The following SPATA1 variants were observed in gnomAD, a reference collection of about 807,000 sequenced individuals.
The protein encoded by SPATA1 is spermatogenesis associated 1.
In SPATA1, 57 loss-of-function variants were observed where a neutral mutation model predicts 59.6. The observed-to-expected ratio is 0.96, with a 90% CI of 0.77 to 1.19. The LOEUF is 1.19. Ranked by LOEUF, SPATA1 falls within the 50% of genes most tolerant of loss-of-function variation. The probability of loss-of-function intolerance (pLI) is 0.00; values close to 1 mark genes in which losing one functional copy is unlikely to be tolerated. For synonymous variants in SPATA1, 147 were observed against 163.9 expected (o/e 0.90, Z 0.79); for missense variants, 448 against 480.7 (o/e 0.93, Z 0.64).
In SPATA1 at chr1:84,564,099, A is replaced by G. The variant is rs543409283; in HGVS notation, n.443-1762A>G. ...ATATTCACAAAATCTAATTCTAGGAAGAATGACACATTTCAGGAAAGTATG... is the reference window on the plus strand; with the variant it reads ...ATATTCACAAAATCTAATTCTAGGAGGAATGACACATTTCAGGAAAGTATG... On this transcript the variant is annotated intron_variant and non_coding_transcript_variant, in intron 4 of 4. Transcript: ENST00000460286. Among the ~76,000 whole-genome samples the G allele has an allele frequency of 5.9e-5, 9 of 152,358 alleles. No individual in the cohort carries two copies. In the East Asian group the frequency reaches 1.7e-3, roughly 29 times the overall value.
At chr1:84,538,009 T>G (rs1570436334) in intron 8 of SPATA1, among the ~76,000 whole-genome samples, 1 of 152,340 alleles carries the variant, frequency 6.6e-6, no homozygotes, top group Non-Finnish European at 1.5e-5. Context: ...GAATGGCCTA[T>G]TCATTACCAA....
intron 9 of SPATA1, among the ~76,000 whole-genome samples, chr1:84,545,035 C>T (rs1381741814): frequency 6.7e-6 from 1 of 149,694 alleles, no homozygotes; most frequent in Non-Finnish European, 1.5e-5. Context: ...ATGGTGAAAC[C>T]CCATCTCTAC....
chr1:84,512,648 G>A (rs148209680), intron 1 of SPATA1, among the ~76,000 whole-genome samples: 256 of 152,260 alleles, frequency 1.7e-3, no homozygotes, highest in Middle Eastern at 3.4e-3. Context: ...AAAACATGAT[G>A]GGTAGCTATT....
chr1:84,549,646 C>A (rs533351974), intron 11 of SPATA1: 3 of 151,802 alleles, frequency 2.0e-5, no homozygotes, highest in African/African-American at 7.3e-5. Flanking sequence ...ATTAATTCCA[C>A]CATATAATTA....
At chr1:84,525,359 T>C (rs957953842) in intron 4 of SPATA1, among the ~76,000 whole-genome samples, 41 of 152,364 alleles carry the variant, frequency 2.7e-4, no homozygotes, top group African/African-American at 9.4e-4. Flanking sequence ...AGTTGGACTT[T>C]GGGGTCAGAT....
At chr1:84,542,064 G>C (rs1463349631) in intron 8 of SPATA1, among the ~76,000 whole-genome samples, 1 of 152,056 alleles carries the variant, frequency 6.6e-6, no homozygotes, top group Non-Finnish European at 1.5e-5. Flanking sequence ...CCATCTCCCA[G>C]GTTCAAGCAA....
At chr1:84,533,906 A>C in intron 8 of SPATA1, 140 bp downstream of exon 8, 1 of 540,274 alleles carries the variant, frequency 1.9e-6, no homozygotes, top group East Asian at 3.4e-5. Flanking sequence ...ATAGTAGTCC[A>C]ATTTTTCTGT....
chr1:84,536,857 T>C (rs1683710459), intron 8 of SPATA1, among the ~76,000 whole-genome samples: 1 of 149,600 alleles, frequency 6.7e-6, no homozygotes. Context: ...GATAGGACTA[T>C]ACTTGATTTG....
At chr1:84,537,469 C>T (rs1329339090) in intron 8 of SPATA1, among the ~76,000 whole-genome samples, 1 of 152,174 alleles carries the variant, frequency 6.6e-6, no homozygotes, top group Non-Finnish European at 1.5e-5. Context: ...TGAATAACCA[C>T]ATGAAGATTC....
chr1:84,541,670 G>A (rs1683907828), intron 8 of SPATA1, among the ~76,000 whole-genome samples: 1 of 152,070 alleles, frequency 6.6e-6, no homozygotes, highest in Admixed American at 6.5e-5. Flanking sequence ...TTTAATCTAT[G>A]TTGGGAGCAT....
At chr1:84,527,554 T>C (rs181289287) in intron 6 of SPATA1, 63 of 152,152 alleles carry the variant, frequency 4.1e-4, no homozygotes, top group Admixed American at 1.5e-3. Flanking sequence ...ATATAAAATA[T>C]ATTTTTACTT....
At chr1:84,555,462 A>T (rs1263731978), downstream of SPATA1, among the ~76,000 whole-genome samples, 1 of 152,232 alleles carries the variant, frequency 6.6e-6, no homozygotes, top group Non-Finnish European at 1.5e-5. Flanking sequence ...CGATGGATTT[A>T]TCAGGGTATT....
downstream of SPATA1, among the ~76,000 whole-genome samples, chr1:84,558,604 TAAA>T (rs112293082): frequency 7.1e-6 from 1 of 139,882 alleles, no homozygotes; most frequent in Non-Finnish European, 1.6e-5. Flanking sequence ...TTTTTTTAAT[TAAA>T]AAAAAAAAAG....
intron 1 of SPATA1, among the ~76,000 whole-genome samples, chr1:84,511,480 C>T (rs1682542334): frequency 6.6e-6 from 1 of 152,058 alleles, no homozygotes; most frequent in African/African-American, 2.4e-5. Flanking sequence ...GAAAACAAAC[C>T]TCATTCCTCA....
intron 9 of SPATA1, 74 bp from the exon 10 acceptor site, chr1:84,545,560 A>G: frequency 2.1e-6 from 3 of 1,427,448 alleles, no homozygotes; most frequent in Non-Finnish European, 2.8e-6. Context: ...TTTAAGTTTT[A>G]CACTCCATAT....
chr1:84,560,121 GAAAGAAAGAAAGGAAA>G (rs1684563182), intron 4 of SPATA1, among the ~76,000 whole-genome samples: 1 of 143,650 alleles, frequency 7.0e-6, no homozygotes, highest in South Asian at 2.3e-4. Flanking sequence ...AAGAAAGAAA[GAAAGAAAGAAAGGAAA>G]GAAAGAAAGA....
chr1:84,545,495 A>C, intron 9 of SPATA1, 139 bp from the exon 10 acceptor site: 1 of 911,260 alleles, frequency 1.1e-6, no homozygotes, highest in East Asian at 3.4e-5. Flanking sequence ...TAAATGCTAT[A>C]CTGTAGCAAG....
chr1:84,510,954 A>C (rs1682512279), intron 1 of SPATA1, among the ~76,000 whole-genome samples: 4 of 152,186 alleles, frequency 2.6e-5, no homozygotes, highest in Non-Finnish European at 5.9e-5. Context: ...TGGCAGTAAA[A>C]ATTGAAACAG....
intron 7 of SPATA1, among the ~76,000 whole-genome samples, chr1:84,533,260 A>G (rs1683543637): frequency 6.6e-6 from 1 of 152,106 alleles, no homozygotes; most frequent in Non-Finnish European, 1.5e-5. Context: ...CTTCATTAGA[A>G]CTAATTATCC....
Sources: gnomAD v4.1 joint callset for allele counts (sites outside exome capture counted in the v4.1 genomes callset) on GRCh38, gnomAD v4.1.1 for gene constraint, MANE v1.5 for transcripts, NCBI Gene and HGNC (gene_info 2026-07-23, HGNC 2026-07-21) for gene names.